Variants in TLE3 observed in about 807,000 individuals in gnomAD.
TLE3 encodes the protein TLE family member 3, transcriptional corepressor.
TLE3 carries 14 observed loss-of-function variants against 93.0 expected under a neutral mutation model. The observed-to-expected ratio is 0.15, with a 90% confidence interval of 0.10 to 0.24. The LOEUF (loss-of-function observed/expected upper bound fraction) is 0.24, where lower values mean the gene tolerates loss of function less well. Ranked by LOEUF, TLE3 falls within the 10% of genes least tolerant of loss-of-function variation. The pLI is 1.00. For synonymous variants in TLE3, 451 were observed against 425.0 expected, an observed-to-expected ratio of 1.06 and a Z score of -0.75; for missense variants, 693 against 1,046.6, an observed-to-expected ratio of 0.66 and a Z score of 4.66.
intron 4 of TLE3, among the ~76,000 whole-genome samples, chr15:70,083,323 G>T (rs912224508): frequency 6.6e-6 from 1 of 152,080 alleles, no homozygotes; most frequent in African/African-American, 2.4e-5. Context: ...CTGTTAACAA[G>T]ATCCAATAAT....
intron 4 of TLE3, among the ~76,000 whole-genome samples, chr15:70,082,721 G>C (rs1567041439): frequency 1.3e-5 from 2 of 152,228 alleles, no homozygotes; most frequent in South Asian, 4.1e-4. Flanking sequence ...CGGAAGGGAA[G>C]GGGATGCTGG....
intron 7 of TLE3, 133 bp from the exon 8 acceptor site, chr15:70,064,603 CAGA>C (rs2056697187): frequency 8.0e-7 from 1 of 1,244,982 alleles, no homozygotes; most frequent in South Asian, 1.3e-5. Flanking sequence ...TTAAAATGAG[CAGA>C]AGGCCTGGAT....
At chr15:70,096,039 G>A (rs936633873) in intron 2 of TLE3, 122 bp downstream of exon 2, 23 of 1,139,698 alleles carry the variant, frequency 2.0e-5, no homozygotes, top group South Asian at 1.7e-4. Flanking sequence ...AAAAGGCGGA[G>A]GCCCGGGCTG....
rs767037525 is a variant in TLE3 at position 70,057,497 on chromosome 15, C to T, written c.1213G>A (p.Ala405Thr). ...ACCATTGGCGATCGGCCATAGGCAG[C>T]GGCTGCAGCAGCGGCGGCGGCGCTC... The part of the protein sequence containing the change: ...QMSAAAAAAA[A>T]AYGRSPMVSF... The change falls in exon 13 of 20, where the codon GCT becomes ACT. Residue 405 changes from alanine to threonine, a missense_variant. By Grantham distance (58) the Ala-to-Thr change is moderately conservative (BLOSUM62 0). Transcript: ENST00000451782. 3.1e-6 allele frequency: 5 copies of T among 1,608,494 alleles called. No individual in the cohort carries two copies. Among genetic ancestry groups the T allele is most frequent in the Admixed American group, 1.7e-5 (1 of 59,278 alleles).
intron 7 of TLE3, 30 bp downstream of exon 7, chr15:70,065,984 G>GCCCCCC: frequency 7.8e-6 from 6 of 768,792 alleles, no homozygotes; most frequent in African/African-American, 1.8e-5. Flanking sequence ...CCCCTGCCCC[G>GCCCCCC]CCCCACCCTC....
Position 70,058,273 on chromosome 15 carries a change from G to C in TLE3, c.937C>G (p.Pro313Ala). 6.2e-7 allele frequency: 1 copy of C among 1,610,888 alleles called. No homozygotes were observed. Among genetic ancestry groups the C allele is most frequent in the Non-Finnish European group, 8.5e-7 (1 of 1,178,300 alleles). The change falls in exon 12 of 20, where the codon CCT (proline) becomes GCT (alanine). Residue 313 changes from proline (P) to alanine (A), a missense_variant. Physicochemically the swap from Pro to Ala is conservative, Grantham distance 27 (BLOSUM62 -1). Around this residue, in one of 4 missense-constraint regions of TLE3, gnomAD observed 405 missense variants for 468.9 expected, o/e 0.86. Coordinates refer to ENST00000451782, the MANE Select transcript of TLE3 (RefSeq NM_001105192.3). The surrounding 1 kb of genome is among the most constrained non-coding windows in gnomAD (Gnocchi z 4.1). ...GTTGGTGTGTTGGACTTGAGCCCAG[G>C]GGTGGAGGATTTGTCGTTCTGAAGA... ...DLGHNDKSSTPGLKSNTPTPR... is the reference protein window; with the variant it reads ...DLGHNDKSSTAGLKSNTPTPR...
chr15:70,060,868 C>T lies in TLE3; in HGVS notation c.595-219G>A, dbSNP rs1021726274. On this transcript the variant is annotated intron_variant, in intron 8 of 19. Transcript: ENST00000451782. ...CCCGGGGAGATGCCCTGGGCGCATC[C>T]CCAATTCTCTTTTGCAGCTCTGCAC... 1.3e-5 allele frequency: 8 copies of T among 636,904 alleles called. No homozygotes were observed. In the African/African-American group the frequency reaches 1.4e-4, roughly 12 times the overall value. The allele number at this position is 636,904 out of a possible 1,614,324, so 39.5% of individuals were successfully genotyped here.
At chr15:70,052,582 G>T in intron 17 of TLE3, 58 bp from the exon 18 acceptor site, 1 of 1,559,004 alleles carries the variant, frequency 6.4e-7, no homozygotes, top group Non-Finnish European at 8.7e-7. Flanking sequence ...CTCAAGAGGA[G>T]GGCGGCTCCC....
At chr15:70,089,203 TCAGTG>T (rs2058185862) in intron 4 of TLE3, among the ~76,000 whole-genome samples, 1 of 152,168 alleles carries the variant, frequency 6.6e-6, no homozygotes, top group Admixed American at 6.5e-5. Context: ...AGCAAAGCCC[TCAGTG>T]AAGTCTGCTC....
chr15:70,074,365 A>G, intron 6 of TLE3, 168 bp downstream of exon 6: 1 of 725,490 alleles, frequency 1.4e-6, no homozygotes, highest in East Asian at 3.1e-5. Context: ...GCCAAGGGGG[A>G]AACAGCCCTA....
At chr15:70,059,328 A>G in intron 10 of TLE3, 82 bp downstream of exon 10, 2 of 1,498,128 alleles carry the variant, frequency 1.3e-6, no homozygotes, top group Non-Finnish European at 1.8e-6. Context: ...ACTAGAACAG[A>G]CAGAATAGAT....
intron 4 of TLE3, among the ~76,000 whole-genome samples, chr15:70,079,875 T>C (rs571613968): frequency 6.6e-6 from 1 of 152,226 alleles, no homozygotes; most frequent in Non-Finnish European, 1.5e-5. Flanking sequence ...GCCCAGCCAT[T>C]AAGTGATTTC....
intron 4 of TLE3, among the ~76,000 whole-genome samples, chr15:70,081,326 T>C (rs1414471427): frequency 2.0e-5 from 3 of 152,238 alleles, no homozygotes; most frequent in African/African-American, 7.2e-5. Context: ...CACATGAATT[T>C]ACAAAAGACC....
intron 4 of TLE3, among the ~76,000 whole-genome samples, chr15:70,076,956 G>T (rs1054463857): frequency 2.6e-5 from 4 of 152,156 alleles, no homozygotes; most frequent in African/African-American, 9.7e-5. Context: ...GGGCTCAAGT[G>T]ATCTGCCCAC....
intron 4 of TLE3, among the ~76,000 whole-genome samples, chr15:70,086,678 C>T (rs2058051125): frequency 6.6e-6 from 1 of 152,142 alleles, no homozygotes; most frequent in Non-Finnish European, 1.5e-5. Context: ...ACAAAAAAAG[C>T]AGTAGAAGAA....
At chr15:70,069,383 G>A (rs1205794892) in intron 6 of TLE3, among the ~76,000 whole-genome samples, 1 of 152,174 alleles carries the variant, frequency 6.6e-6, no homozygotes, top group Admixed American at 6.5e-5. Context: ...ACCGACGTCA[G>A]AAACTTGGAA....
At chr15:70,092,444 A>C (rs1360146063) in intron 4 of TLE3, among the ~76,000 whole-genome samples, 1 of 152,212 alleles carries the variant, frequency 6.6e-6, no homozygotes, top group Non-Finnish European at 1.5e-5. Flanking sequence ...GTGGCAAGCA[A>C]GGTAAAGTGC....
chr15:70,057,616 G>T lies in TLE3; in HGVS notation c.1094C>A (p.Ala365Glu). The T allele has an allele frequency of 6.3e-7, 1 of 1,588,850 alleles. No individual in the cohort carries two copies. ...RTPISITSSY[A>E]APFAMMSHHE... is the part of the protein sequence containing the mutation. ...GTGGCTCATCATGGCGAAGGGCGCC[G>T]CATAGGAGCTGGTGATGGAGATGGG... The change falls in exon 13 of 20, where the codon GCG (alanine) becomes GAG (glutamate). Residue 365 changes from alanine (A) to glutamate (E), a missense_variant. Transcript: ENST00000451782.
In TLE3 at chr15:70,058,941, G is replaced by T; in HGVS notation, c.766-126C>A. On this transcript the variant is annotated intron_variant, in intron 10 of 19. Coordinates refer to ENST00000451782, the MANE Select transcript of TLE3 (RefSeq NM_001105192.3). This position sits in a 1 kb window ranked among gnomAD's most constrained non-coding sequence, Gnocchi z 4.1. ...GACGAGCTTGGCTGAAAGACTGGGG[G>T]CCCCACAGTGAGGAAAAACTAGCTC... The T allele has an allele frequency of 7.6e-7, 1 of 1,315,730 alleles. No homozygotes were observed. The highest frequency in any genetic ancestry group is 1.0e-6 in the Non-Finnish European group (1 of 996,234). The allele number at this position is 1,315,730 out of a possible 1,614,324, so 81.5% of individuals were successfully genotyped here.
Sources: allele counts gnomAD v4.1 joint callset (sites outside exome capture counted in the v4.1 genomes callset), GRCh38; gene constraint gnomAD v4.1.1; regional missense constraint gnomAD v4.1.1; non-coding constraint Gnocchi (gnomAD v3.1); transcripts MANE v1.5; gene names NCBI Gene and HGNC (gene_info 2026-07-23, HGNC 2026-07-21).